PRKCI: variants seen among roughly 807,000 people sequenced by gnomAD.
PRKCI encodes protein kinase C iota.
Under a neutral mutation model 84.0 loss-of-function variants are expected in PRKCI, and 43 were observed. That is an observed-to-expected ratio of 0.51 (90% CI 0.40 to 0.66). The LOEUF (loss-of-function observed/expected upper bound fraction) is 0.66. PRKCI is among the 30% of genes least tolerant of loss of function. PRKCI has a pLI of 0.00. For synonymous variants in PRKCI, 216 were observed against 234.4 expected (o/e 0.92, Z 0.72); for missense variants, 459 against 745.6 (o/e 0.62, Z 4.48).
chr3:170,234,930 G>A (rs984091743), intron 1 of PRKCI, among the ~76,000 whole-genome samples: 3 of 151,680 alleles, frequency 2.0e-5, no homozygotes, highest in African/African-American at 7.3e-5. Flanking sequence ...TCCCACCTCA[G>A]CCTCTGGCTA....
In PRKCI at chr3:170,235,254, A is replaced by G. The variant is rs1247357692; in HGVS notation, c.126A>G (p.Glu42=). 1.2e-6 allele frequency: 2 copies of G among 1,613,736 alleles called. No individual in the cohort carries two copies. The highest frequency in any genetic ancestry group is 1.7e-6 in the Non-Finnish European group (2 of 1,179,836). Residue 42 remains glutamate, a synonymous_variant, in exon 2 of 18, where the codon GAA becomes GAG. Coordinates refer to ENST00000295797, the MANE Select transcript of PRKCI (RefSeq NM_002740.6). The stretch of plus-strand genomic sequence containing the variant: ...GGGATATCATGATAACACATTTTGA[A>G]CCTTCCATCTCCTTTGAGGGCCTTT... ...YRGDIMITHF[E]PSISFEGLCN...
At chr3:170,228,884 C>G (rs1452655096) in intron 1 of PRKCI, among the ~76,000 whole-genome samples, 2 of 152,066 alleles carry the variant, frequency 1.3e-5, no homozygotes, top group African/African-American at 4.8e-5. Flanking sequence ...CCCCTCCCAC[C>G]TTTTGTAGTC....
At chr3:170,298,275 C>T (rs1433015527) in intron 16 of PRKCI, among the ~76,000 whole-genome samples, 3 of 151,450 alleles carry the variant, frequency 2.0e-5, no homozygotes, top group Non-Finnish European at 2.9e-5. Context: ...AGTCTCAGTC[C>T]GTTGCCCAGG....
Position 170,280,904 on chromosome 3 carries a change from T to A in PRKCI, c.883-262T>A, listed in dbSNP as rs1459842977. The stretch of plus-strand genomic sequence containing the variant: ...AAAGTAATTTGATTATTAGATTTTT[T>A]TAAAAAAACAAAAATCAAACCACAT... On this transcript the variant is annotated intron_variant, in intron 9 of 17. Transcript: ENST00000295797. Among the ~76,000 whole-genome samples the A allele has an allele frequency of 3.9e-5, 6 of 152,326 alleles. No individual in the cohort carries two copies. In the South Asian group the frequency reaches 1.2e-3, roughly 32 times the overall value.
intron 8 of PRKCI, among the ~76,000 whole-genome samples, chr3:170,278,672 G>A (rs1181125536): frequency 2.6e-5 from 4 of 152,114 alleles, no homozygotes; most frequent in Non-Finnish European, 5.9e-5. Context: ...ATAAATAAAT[G>A]AAGGAAGGAA....
intron 2 of PRKCI, among the ~76,000 whole-genome samples, chr3:170,252,043 G>C (rs1733463196): frequency 6.6e-6 from 1 of 152,068 alleles, no homozygotes; most frequent in Admixed American, 6.6e-5. Context: ...GAGAAACCCT[G>C]TCTCTACTAA....
At chr3:170,248,574 A>G (rs191305583) in intron 2 of PRKCI, among the ~76,000 whole-genome samples, 2 of 152,278 alleles carry the variant, frequency 1.3e-5, no homozygotes, top group Non-Finnish European at 1.5e-5. Flanking sequence ...ACGCTTATGC[A>G]TTGAGTTTTA....
At chr3:170,250,687 T>A (rs144037570) in intron 2 of PRKCI, among the ~76,000 whole-genome samples, 1 of 152,358 alleles carries the variant, frequency 6.6e-6, no homozygotes, top group East Asian at 1.9e-4. Context: ...TTGTGAGTAA[T>A]GTTGCTACGA....
intron 8 of PRKCI, among the ~76,000 whole-genome samples, chr3:170,277,670 G>T (rs1734150946): frequency 6.6e-6 from 1 of 151,298 alleles, no homozygotes; most frequent in Admixed American, 6.6e-5. Context: ...CTCCAGCCTG[G>T]GCGAAAGAGC....
chr3:170,287,131 T>G (rs1382124721), intron 12 of PRKCI, among the ~76,000 whole-genome samples: 2 of 151,996 alleles, frequency 1.3e-5, no homozygotes, highest in Non-Finnish European at 2.9e-5. Flanking sequence ...GCTCAGAAGT[T>G]CGACACCAGC....
intron 8 of PRKCI, among the ~76,000 whole-genome samples, chr3:170,275,950 T>G (rs892508854): frequency 1.6e-4 from 23 of 147,616 alleles, no homozygotes; most frequent in Non-Finnish European, 2.8e-4. Flanking sequence ...TTTTTTTTTT[T>G]TGAGTTGGGG....
intron 8 of PRKCI, among the ~76,000 whole-genome samples, chr3:170,276,940 C>G (rs1343887269): frequency 6.6e-6 from 1 of 151,788 alleles, no homozygotes; most frequent in Non-Finnish European, 1.5e-5. Context: ...AAAACAACCC[C>G]ATTAAAAAAT....
At chr3:170,237,239 G>A (rs1733002610) in intron 2 of PRKCI, among the ~76,000 whole-genome samples, 1 of 152,224 alleles carries the variant, frequency 6.6e-6, no homozygotes, top group Admixed American at 6.5e-5. Context: ...TTGGCCTACA[G>A]TTTAACAGGC....
rs183526775 is a variant in PRKCI, at chr3:170,266,438, C to A, written c.365-1477C>A. 2.6e-5 allele frequency among the ~76,000 whole-genome samples: 4 copies of A among 152,060 alleles called. No individual in the cohort carries two copies. In the South Asian group the frequency reaches 8.3e-4, roughly 32 times the overall value. Reference sequence around the variant, plus strand: ...AAGTAATGAGATAAGAAATACACAACACTACCTATGTGTTATTTTTGCCAA... The same window carrying A: ...AAGTAATGAGATAAGAAATACACAAAACTACCTATGTGTTATTTTTGCCAA... On this transcript the variant is annotated intron_variant, in intron 4 of 17. Transcript: ENST00000295797.
rs368074298 is a variant in PRKCI at position 170,285,205 on chromosome 3, G to A, written c.1203+609G>A. ...CGCCATTCTCCTGCCTCAGCCTCCC[G>A]AGTAGCTGGGACTACAGGCGCCTGC... On this transcript the variant is annotated intron_variant, in intron 12 of 17. Transcript: ENST00000295797. 4.0e-5 allele frequency among the ~76,000 whole-genome samples: 6 copies of A among 150,380 alleles called. No individual in the cohort carries two copies. The East Asian group carries it at 5.9e-4, about 15-fold the overall frequency.
At chr3:170,283,480 C>T (rs915096242) in intron 11 of PRKCI, among the ~76,000 whole-genome samples, 3 of 152,108 alleles carry the variant, frequency 2.0e-5, no homozygotes, top group Non-Finnish European at 4.4e-5. Context: ...ATCTTGAGGC[C>T]AACCTGGGTT....
intron 2 of PRKCI, among the ~76,000 whole-genome samples, chr3:170,248,472 G>A (rs1371781769): frequency 1.3e-5 from 2 of 152,172 alleles, no homozygotes; most frequent in African/African-American, 4.8e-5. Context: ...GCTCTAGGAT[G>A]TGAATTTAGA....
chr3:170,229,889 A>G (rs1006302629), intron 1 of PRKCI, among the ~76,000 whole-genome samples: 1 of 152,088 alleles, frequency 6.6e-6, no homozygotes, highest in Non-Finnish European at 1.5e-5. Flanking sequence ...TTTTACAAGT[A>G]TCTTTTATAT....
chr3:170,289,742 G>A (rs146451732), intron 12 of PRKCI, among the ~76,000 whole-genome samples: 2,355 of 152,116 alleles, frequency 0.015, 40 homozygotes, highest in East Asian at 0.084. Context: ...GTGAAACCCC[G>A]TCACTACTAA....
Sources: allele counts gnomAD v4.1 joint callset (sites outside exome capture counted in the v4.1 genomes callset), GRCh38; gene constraint gnomAD v4.1.1; transcripts MANE v1.5; gene names NCBI Gene and HGNC (gene_info 2026-07-23, HGNC 2026-07-21).